The following FAM135A variants were observed in gnomAD, a reference collection of about 807,000 sequenced individuals.
FAM135A encodes protein FAM135A.
Under a neutral mutation model 146.8 loss-of-function variants are expected in FAM135A, and 79 were observed. The observed-to-expected ratio is 0.54, with a 90% CI of 0.45 to 0.65. The LOEUF (loss-of-function observed/expected upper bound fraction) is 0.65. Ranked by LOEUF, FAM135A falls within the 30% of genes least tolerant of loss-of-function variation. The pLI is 0.00. For synonymous variants in FAM135A, 562 were observed against 603.6 expected (o/e 0.93, Z 1.01); for missense variants, 1,623 against 1,758.2 (o/e 0.92, Z 1.38).
At chr6:70,514,339 T>G (rs1331611307) in intron 12 of FAM135A, among the ~76,000 whole-genome samples, 2 of 152,198 alleles carry the variant, frequency 1.3e-5, no homozygotes, top group Non-Finnish European at 2.9e-5. Context: ...TTTGGTTCTC[T>G]TCACGTATAA....
At chr6:70,477,131 C>G (rs755429277) in intron 7 of FAM135A, 28 bp from the exon 8 acceptor site, 1 of 1,596,394 alleles carries the variant, frequency 6.3e-7, no homozygotes. Context: ...ATGTTTCATA[C>G]TTACATGCTA....
chr6:70,513,479 A>G (rs1306867351), intron 12 of FAM135A: 1 of 150,780 alleles, frequency 6.6e-6, no homozygotes, highest in Admixed American at 6.6e-5. Context: ...CTCCTTAACC[A>G]TATTGATTCG....
In FAM135A at chr6:70,482,001, G is replaced by T; in HGVS notation, c.670G>T (p.Gly224Cys). ...INYTKQLSPDGCSFIIADSFL... is the reference protein window; with the variant it reads ...INYTKQLSPDCCSFIIADSFL... ...TATCCTACATCTGTTTTTTGTTTAG[G>T]GTTGTAGCTTCATCATTGCAGACTC... The change falls in exon 10 of 22, where the codon GGT becomes TGT. Residue 224 changes from glycine to cysteine, a missense_variant and splice_region_variant. Coordinates refer to ENST00000418814, the MANE Select transcript of FAM135A (RefSeq NM_001162529.3). 1 of 1,608,206 alleles carries T rather than the reference G, an allele frequency of 6.2e-7. No individual in the cohort carries two copies. Among genetic ancestry groups the T allele is most frequent in the Non-Finnish European group, 8.5e-7 (1 of 1,177,328 alleles).
At chr6:70,518,224 C>G (rs1409781226) in intron 12 of FAM135A, among the ~76,000 whole-genome samples, 3 of 152,146 alleles carry the variant, frequency 2.0e-5, no homozygotes, top group Non-Finnish European at 4.4e-5. Context: ...GATAGAAGAT[C>G]AAACCAGCCA....
intron 4 of FAM135A, among the ~76,000 whole-genome samples, chr6:70,449,185 GT>G (rs1049571061): frequency 1.3e-5 from 2 of 151,748 alleles, no homozygotes; most frequent in African/African-American, 4.8e-5. Flanking sequence ...ACAATGTAAT[GT>G]TTGGATGTAT....
At chr6:70,470,133 A>G (rs1392613878) in intron 5 of FAM135A, among the ~76,000 whole-genome samples, 1 of 152,218 alleles carries the variant, frequency 6.6e-6, no homozygotes, top group Non-Finnish European at 1.5e-5. Flanking sequence ...GATTTGGCAA[A>G]GGAGAAATCA....
At chr6:70,454,595 G>A (rs904763758) in intron 5 of FAM135A, among the ~76,000 whole-genome samples, 2 of 152,136 alleles carry the variant, frequency 1.3e-5, no homozygotes, top group African/African-American at 2.4e-5. Flanking sequence ...TAAGGTGTAA[G>A]GAAGGGGTCC....
At chr6:70,450,713 G>GTTTTTTGT (rs1192559967) in intron 4 of FAM135A, among the ~76,000 whole-genome samples, 1 of 29,780 alleles carries the variant, frequency 3.4e-5, no homozygotes, top group African/African-American at 7.3e-5. Context: ...GACCCTTTTA[G>GTTTTTTGT]TTGTTTTTTT....
Position 70,529,885 on chromosome 6 carries a change from A to AC in FAM135A, c.3775+1437dup, listed in dbSNP as rs1795462472. ...AGACCATCCTGGCTAACACAGTGAA[A>AC]CCCCGTCTCTACTAAAAATACAAAA... On this transcript the variant is annotated intron_variant, in intron 16 of 21. Coordinates refer to ENST00000418814, the MANE Select transcript of FAM135A (RefSeq NM_001162529.3). 2.0e-5 allele frequency among the ~76,000 whole-genome samples: 3 copies of AC among 152,096 alleles called. 1 individual carries two copies. The South Asian group carries it at 6.2e-4, about 32-fold the overall frequency.
chr6:70,529,929 T>C (rs1187189282), intron 16 of FAM135A, among the ~76,000 whole-genome samples: 1 of 152,064 alleles, frequency 6.6e-6, no homozygotes, highest in Non-Finnish European at 1.5e-5. Context: ...CTGGGCGTGG[T>C]GGCGGGCGCC....
In FAM135A at chr6:70,525,906, A is replaced by G; in HGVS notation, c.2822A>G (p.Lys941Arg). ...SSDVKSSCSS[K>R]PNLDTMCKGF... is the part of the protein sequence containing the mutation. ...GATGTGAAAAGTAGTTGCAGCTCCA[A>G]ACCTAACTTGGATACTATGTGTAAA... Residue 941 changes from lysine to arginine, a missense_variant, in exon 15 of 22, where the codon AAA becomes AGA. Coordinates refer to ENST00000418814, the MANE Select transcript of FAM135A (RefSeq NM_001162529.3). 1 of 1,613,354 alleles carries G rather than the reference A, an allele frequency of 6.2e-7. No homozygotes were observed. The highest frequency in any genetic ancestry group is 1.1e-5 in the South Asian group (1 of 90,964).
At chr6:70,436,299 T>C (rs1389423945) in intron 4 of FAM135A, among the ~76,000 whole-genome samples, 1 of 152,156 alleles carries the variant, frequency 6.6e-6, no homozygotes, top group Non-Finnish European at 1.5e-5. Context: ...TGTCTGAAAT[T>C]GTCTGTCTTC....
chr6:70,471,782 A>G (rs1471167909), intron 5 of FAM135A, among the ~76,000 whole-genome samples: 1 of 152,184 alleles, frequency 6.6e-6, no homozygotes, highest in African/African-American at 2.4e-5. Flanking sequence ...CATTGGTAAT[A>G]TAAAAGTCTG....
chr6:70,467,473 A>C (rs1780689180), intron 5 of FAM135A, among the ~76,000 whole-genome samples: 1 of 152,090 alleles, frequency 6.6e-6, no homozygotes, highest in African/African-American at 2.4e-5. Context: ...TTAATTTGTT[A>C]ACAATTATCT....
chr6:70,522,404 G>A (rs1457022719), intron 12 of FAM135A, 109 bp from the exon 13 acceptor site: 6 of 810,502 alleles, frequency 7.4e-6, no homozygotes, highest in South Asian at 5.0e-5. Flanking sequence ...TAATTCTGAC[G>A]GGTGATTGTG....
chr6:70,471,923 G>A (rs772035478), intron 5 of FAM135A, among the ~76,000 whole-genome samples: 1 of 152,062 alleles, frequency 6.6e-6, no homozygotes, highest in Non-Finnish European at 1.5e-5. Context: ...AACAGTTATG[G>A]CTAGACTAGT....
chr6:70,464,659 TTTTTTTTC>T lies in FAM135A; in HGVS notation c.158-10743_158-10736del, dbSNP rs1404287614. On this transcript the variant is annotated intron_variant, in intron 5 of 21. Transcript: ENST00000418814. ...TTAAATTTCTTTCTTTCTTTCTTTC[TTTTTTTTC>T]TTTTTTTTTTTTTTTTGAGACAGTC... Among the ~76,000 whole-genome samples the T allele has an allele frequency of 5.1e-3, 505 of 98,854 alleles. 3 individuals are homozygous for T. Among genetic ancestry groups the T allele is most frequent in the Middle Eastern group, 0.01 (2 of 198 alleles). The allele number at this position is 98,854 out of a possible 152,430, so 64.9% of individuals were successfully genotyped here. A position where few individuals can be genotyped will look rare whatever the true frequency, so the allele number is the denominator to read the frequency against.
chr6:70,483,576 A>G (rs9455128), intron 10 of FAM135A, among the ~76,000 whole-genome samples: 3,230 of 152,308 alleles, frequency 0.021, 109 homozygotes, highest in African/African-American at 0.074. Context: ...CATTTACAGA[A>G]TAGAGCTAAT....
intron 2 of FAM135A, among the ~76,000 whole-genome samples, chr6:70,424,952 T>C (rs894546784): frequency 6.6e-6 from 1 of 152,118 alleles, no homozygotes; most frequent in African/African-American, 2.4e-5. Flanking sequence ...GATTTTGTTA[T>C]AGCAGTATCT....
Sources: gnomAD v4.1 joint callset for allele counts (sites outside exome capture counted in the v4.1 genomes callset) on GRCh38, gnomAD v4.1.1 for gene constraint, MANE v1.5 for transcripts, NCBI Gene and HGNC (gene_info 2026-07-23, HGNC 2026-07-21) for gene names.